The following HERC3 variants were observed in gnomAD, a reference collection of about 807,000 sequenced individuals.
The protein encoded by HERC3 is probable E3 ubiquitin-protein ligase HERC3.
In HERC3, 58 loss-of-function variants were observed where a neutral mutation model predicts 129.9. The observed-to-expected ratio is 0.45, with a 90% CI of 0.36 to 0.56. The LOEUF is 0.56. Among genes scored for constraint, HERC3 ranks in the 20% least tolerant of loss-of-function variants. HERC3 has a pLI of 0.00. For synonymous variants in HERC3, 430 were observed against 451.0 expected (o/e 0.95, Z 0.59); for missense variants, 835 against 1,244.2 (o/e 0.67, Z 4.95).
At chr4:88,607,545 C>A (rs1325554117) in intron 3 of HERC3, among the ~76,000 whole-genome samples, 1 of 152,084 alleles carries the variant, frequency 6.6e-6, no homozygotes, top group Non-Finnish European at 1.5e-5. Context: ...GTCACCGCAA[C>A]CTCCGCCTCC....
chr4:88,589,346 C>T (rs970499081), upstream of HERC3, among the ~76,000 whole-genome samples: 5 of 152,144 alleles, frequency 3.3e-5, no homozygotes, highest in African/African-American at 1.2e-4. Context: ...GCCTGTAACC[C>T]AAAGCCCTGG....
chr4:88,697,893 C>T, intron 23 of HERC3: 2 of 1,204,884 alleles, frequency 1.7e-6, no homozygotes, highest in South Asian at 1.6e-5. Context: ...GCCCCGCCTC[C>T]TGCTTTCGCG....
At chr4:88,611,083 G>A (rs1724264200) in intron 3 of HERC3, among the ~76,000 whole-genome samples, 1 of 152,210 alleles carries the variant, frequency 6.6e-6, no homozygotes, top group East Asian at 1.9e-4. Flanking sequence ...TTGGAATAAG[G>A]CAGGCTGTAG....
chr4:88,536,440 C>T, the HERC3 span, among the ~76,000 whole-genome samples: 2 of 152,160 alleles, frequency 1.3e-5, no homozygotes, highest in Non-Finnish European at 2.9e-5. Flanking sequence ...CAACAGTAAA[C>T]TACCCTACCC....
the HERC3 span, among the ~76,000 whole-genome samples, chr4:88,566,301 A>G: frequency 1.3e-5 from 2 of 152,214 alleles, no homozygotes; most frequent in Admixed American, 6.5e-5. Context: ...TGCAAATACT[A>G]TCTTAGAACC....
At chr4:88,698,907 C>G (rs1420347105) in intron 23 of HERC3, among the ~76,000 whole-genome samples, 1 of 143,670 alleles carries the variant, frequency 7.0e-6, no homozygotes. Flanking sequence ...TCCTTACCCT[C>G]TTCTTCCCCA....
intron 23 of HERC3, among the ~76,000 whole-genome samples, chr4:88,698,803 C>T (rs1454979626): frequency 2.1e-5 from 3 of 144,278 alleles, no homozygotes; most frequent in Non-Finnish European, 4.5e-5. Context: ...CCATCTTCTT[C>T]CCCGCCTTCT....
At chr4:88,616,282 A>G (rs1350764689) in intron 3 of HERC3, among the ~76,000 whole-genome samples, 1 of 152,238 alleles carries the variant, frequency 6.6e-6, no homozygotes, top group African/African-American at 2.4e-5. Flanking sequence ...ATGCATACAT[A>G]CATCTTCTCT....
chr4:88,674,383 C>T (rs776001522), intron 16 of HERC3, among the ~76,000 whole-genome samples: 1 of 152,200 alleles, frequency 6.6e-6, no homozygotes, highest in Non-Finnish European at 1.5e-5. Context: ...TAAGTAGGCT[C>T]GGACTCTGTA....
chr4:88,542,218 G>C, the HERC3 span, among the ~76,000 whole-genome samples: 1 of 152,048 alleles, frequency 6.6e-6, no homozygotes, highest in African/African-American at 2.4e-5. Flanking sequence ...GAATAAAAGA[G>C]AGAAGAATCA....
rs58079293 is a variant in HERC3, at chr4:88,683,363, G to T, written c.2507+2038G>T. Among the ~76,000 whole-genome samples the T allele has an allele frequency of 4.2e-3, 634 of 152,174 alleles. 6 individuals carry two copies. The highest frequency in any genetic ancestry group is 0.014 in the African/African-American group (572 of 41,508). On this transcript the variant is annotated intron_variant, in intron 21 of 25. Coordinates refer to ENST00000402738, the MANE Select transcript of HERC3 (RefSeq NM_014606.3). ...CTCTCATATAGGACACCAATACTGA[G>T]AAACTATAAAGGATGGGAGGACACA...
At chr4:88,547,001 A>G in the HERC3 span, among the ~76,000 whole-genome samples, 30 of 152,292 alleles carry the variant, frequency 2.0e-4, no homozygotes, top group African/African-American at 7.0e-4. Flanking sequence ...AAATTCCACA[A>G]CAGACACTGA....
At chr4:88,583,431 C>G in the HERC3 span, among the ~76,000 whole-genome samples, 1 of 149,700 alleles carries the variant, frequency 6.7e-6, no homozygotes, top group Non-Finnish European at 1.5e-5. Flanking sequence ...CAGAGTGAGA[C>G]TCCTTCTCAA....
At chr4:88,642,836 G>A (rs899762260) in intron 3 of HERC3, among the ~76,000 whole-genome samples, 6 of 149,928 alleles carry the variant, frequency 4.0e-5, no homozygotes, top group Admixed American at 4.0e-4. Flanking sequence ...ACATGGCAAG[G>A]ATGTCCACTC....
chr4:88,646,609 C>G (rs947979989), intron 3 of HERC3, among the ~76,000 whole-genome samples: 19 of 152,096 alleles, frequency 1.2e-4, no homozygotes, highest in Admixed American at 1.2e-3. Flanking sequence ...ATAGTCTTGA[C>G]GGAATGGATC....
chr4:88,619,265 A>G (rs1725252035), intron 3 of HERC3, among the ~76,000 whole-genome samples: 1 of 152,244 alleles, frequency 6.6e-6, no homozygotes, highest in Admixed American at 6.5e-5. Context: ...ATTTATATAA[A>G]GTACTAGGAC....
intron 2 of HERC3, among the ~76,000 whole-genome samples, chr4:88,600,924 T>C (rs983414673): frequency 6.6e-6 from 1 of 152,206 alleles, no homozygotes; most frequent in African/African-American, 2.4e-5. Context: ...AAAAAATCCA[T>C]TAATGTGGAT....
chr4:88,611,210 T>C (rs900079098), intron 3 of HERC3, among the ~76,000 whole-genome samples: 6 of 152,246 alleles, frequency 3.9e-5, no homozygotes, highest in African/African-American at 1.4e-4. Flanking sequence ...TGTGGGTGGG[T>C]GCCTCCCTCT....
chr4:88,592,971 GC>G, intron 1 of HERC3, among the ~76,000 whole-genome samples: 1 of 152,160 alleles, frequency 6.6e-6, no homozygotes. Flanking sequence ...CCCTATGCTC[GC>G]CCCCTGCCCC....
Sources: gnomAD v4.1 joint callset for allele counts (sites outside exome capture counted in the v4.1 genomes callset) on GRCh38, gnomAD v4.1.1 for gene constraint, MANE v1.5 for transcripts, NCBI Gene and HGNC (gene_info 2026-07-23, HGNC 2026-07-21) for gene names.